GABRA2: variants seen among roughly 807,000 people sequenced by gnomAD.
The protein encoded by GABRA2 is gamma-aminobutyric acid receptor subunit alpha-2.
A neutral mutation model predicts 48.7 loss-of-function variants in GABRA2; 16 were observed. The observed-to-expected ratio is 0.33, with a 90% CI of 0.22 to 0.50. The LOEUF (loss-of-function observed/expected upper bound fraction) is 0.50, where lower values mean the gene tolerates loss of function less well. Ranked by LOEUF, GABRA2 falls within the 20% of genes least tolerant of loss-of-function variation. The pLI is 0.98. For synonymous variants in GABRA2, 185 were observed against 184.5 expected (o/e 1.00, Z -0.02); for missense variants, 275 against 535.6 (o/e 0.51, Z 4.80).
intron 8 of GABRA2, among the ~76,000 whole-genome samples, chr4:46,266,786 G>T (rs1324102772): frequency 2.1e-5 from 3 of 145,362 alleles, no homozygotes; most frequent in African/African-American, 7.8e-5. Flanking sequence ...CAGTGACATG[G>T]TCTCAGCTTA....
chr4:46,301,116 T>C (rs928398199), intron 8 of GABRA2, among the ~76,000 whole-genome samples: 3 of 152,012 alleles, frequency 2.0e-5, no homozygotes, highest in African/African-American at 7.2e-5. Context: ...GTAGATCTTA[T>C]GTTAAGTATC....
At chr4:46,291,782 TATATATATAC>T (rs1446426035) in intron 8 of GABRA2, among the ~76,000 whole-genome samples, 1 of 149,870 alleles carries the variant, frequency 6.7e-6, no homozygotes, top group Non-Finnish European at 1.5e-5. Flanking sequence ...CACACATATA[TATATATATAC>T]ATATACATAT....
intron 3 of GABRA2, among the ~76,000 whole-genome samples, chr4:46,360,809 C>A (rs555786060): frequency 3.7e-4 from 57 of 152,256 alleles, no homozygotes; most frequent in African/African-American, 1.3e-3. Flanking sequence ...ACAATGAAAT[C>A]CAGGCTGAGG....
chr4:46,345,964 T>C (rs909133132), intron 3 of GABRA2, among the ~76,000 whole-genome samples: 1 of 151,978 alleles, frequency 6.6e-6, no homozygotes, highest in Non-Finnish European at 1.5e-5. Context: ...TGTAGATGAC[T>C]TCCCTTGAAG....
intron 2 of GABRA2, among the ~76,000 whole-genome samples, chr4:46,387,540 T>A (rs1020073957): frequency 6.6e-6 from 1 of 152,170 alleles, no homozygotes; most frequent in African/African-American, 2.4e-5. Flanking sequence ...CTCAAAAGTT[T>A]CTGTATTGCC....
At chr4:46,252,900 T>C (rs1457733872) in intron 9 of GABRA2, among the ~76,000 whole-genome samples, 1 of 151,460 alleles carries the variant, frequency 6.6e-6, no homozygotes, top group Non-Finnish European at 1.5e-5. Flanking sequence ...CAAACTGTTG[T>C]AATAAACAAA....
At chr4:46,326,930 A>G (rs901749972) in intron 4 of GABRA2, among the ~76,000 whole-genome samples, 5 of 151,836 alleles carry the variant, frequency 3.3e-5, no homozygotes, top group East Asian at 1.9e-4. Flanking sequence ...TTTTCACCCA[A>G]TTCCCCAAGA....
intron 9 of GABRA2, chr4:46,260,668 T>C (rs1716777596): frequency 6.6e-6 from 1 of 151,780 alleles, no homozygotes; most frequent in South Asian, 2.1e-4. Context: ...ATAGATACCA[T>C]GAAAAAGCAG....
rs570556597 is a variant in GABRA2, at chr4:46,248,417, T to C, written c.*1891A>G. 24 of 151,486 alleles carry C rather than the reference T, an allele frequency of 1.6e-4. No individual in the cohort carries two copies. Among genetic ancestry groups the C allele is most frequent in the African/African-American group, 5.8e-4 (24 of 41,474 alleles). 9.4% of individuals were successfully genotyped at this position (151,486 alleles called of 1,614,324 possible). ...TTAAAACTAGGTGACAAAGAAAGTG[T>C]TACTGGAAGGGAATTAAAGAAATAC... On this transcript the variant is annotated 3_prime_UTR_variant, in exon 10 of 10. Coordinates refer to ENST00000381620, the MANE Select transcript of GABRA2 (RefSeq NM_000807.4).
In GABRA2 at chr4:46,246,501, A is replaced by G. The variant is rs1713737217; in HGVS notation, c.*3807T>C. Among the ~76,000 whole-genome samples, 1 of 151,198 alleles carries G rather than the reference A, an allele frequency of 6.6e-6. No homozygotes were observed. The highest frequency in any genetic ancestry group is 1.5e-5 in the Non-Finnish European group (1 of 67,448). ...CCCAGTTAAAATTTTACACTTCTGC[A>G]TACTTTAAATTAATAAAAGGGAAGC... On this transcript the variant is annotated 3_prime_UTR_variant, in exon 10 of 10. Coordinates refer to ENST00000381620, the MANE Select transcript of GABRA2 (RefSeq NM_000807.4).
intron 8 of GABRA2, among the ~76,000 whole-genome samples, chr4:46,287,442 T>C (rs968364287): frequency 1.4e-4 from 21 of 151,762 alleles, no homozygotes; most frequent in Non-Finnish European, 2.5e-4. Flanking sequence ...TGGAATACTA[T>C]GCAGCCATAA....
chr4:46,263,333 C>G (rs928095264), intron 8 of GABRA2, among the ~76,000 whole-genome samples: 4 of 151,946 alleles, frequency 2.6e-5, no homozygotes, highest in Admixed American at 6.6e-5. Flanking sequence ...AGAATTAGCC[C>G]TATTTTTCTT....
intron 3 of GABRA2, among the ~76,000 whole-genome samples, chr4:46,356,648 T>G (rs1378546158): frequency 6.6e-6 from 1 of 152,192 alleles, no homozygotes; most frequent in Non-Finnish European, 1.5e-5. Flanking sequence ...AATCAGGAAC[T>G]AATCTAATGG....
At chr4:46,310,333 C>T in intron 5 of GABRA2, 78 bp from the exon 6 acceptor site, 1 of 976,614 alleles carries the variant, frequency 1.0e-6, no homozygotes. Context: ...TCTCAACAGA[C>T]TCGATAGAGG....
chr4:46,364,710 T>C (rs1713772264), intron 3 of GABRA2: 1 of 152,268 alleles, frequency 6.6e-6, no homozygotes, highest in Non-Finnish European at 1.5e-5. Flanking sequence ...ATCTCCCTCA[T>C]GTTTTAAATA....
In GABRA2 at chr4:46,243,693, G is replaced by A. The variant is rs1713174759; in HGVS notation, c.*6615C>T. 1 of 151,208 alleles carries A rather than the reference G, an allele frequency of 6.6e-6. No homozygotes were observed. The highest frequency in any genetic ancestry group is 1.5e-5 in the Non-Finnish European group (1 of 67,524). The allele number at this position is 151,208 out of a possible 1,614,324, so 9.4% of individuals were successfully genotyped here. Reference sequence around the variant, plus strand: ...AGTGGCCTTTCCCAATTACAACAAGGTCACAATTACAAATATTAGTTCTTG... The same window carrying A: ...AGTGGCCTTTCCCAATTACAACAAGATCACAATTACAAATATTAGTTCTTG... On this transcript the variant is annotated 3_prime_UTR_variant, in exon 10 of 10. Transcript: ENST00000381620.
chr4:46,279,100 G>A (rs1024864154), intron 8 of GABRA2, among the ~76,000 whole-genome samples: 7 of 151,952 alleles, frequency 4.6e-5, no homozygotes, highest in African/African-American at 1.2e-4. Context: ...AGCTTTGTGC[G>A]CCGTGTTTCC....
At chr4:46,264,201 G>A (rs1309589460) in intron 8 of GABRA2, among the ~76,000 whole-genome samples, 1 of 151,910 alleles carries the variant, frequency 6.6e-6, no homozygotes. Flanking sequence ...TGTTGAATTT[G>A]TTTAATAGCT....
At chr4:46,315,417 A>G (rs1309560344) in intron 4 of GABRA2, among the ~76,000 whole-genome samples, 1 of 151,976 alleles carries the variant, frequency 6.6e-6, no homozygotes, top group African/African-American at 2.4e-5. Flanking sequence ...ACAGTGTCCT[A>G]GGTGTGCCCT....
Sources: allele counts gnomAD v4.1 joint callset (sites outside exome capture counted in the v4.1 genomes callset), GRCh38; gene constraint gnomAD v4.1.1; transcripts MANE v1.5; gene names NCBI Gene and HGNC (gene_info 2026-07-23, HGNC 2026-07-21).